DSE: variants seen among roughly 807,000 people sequenced by gnomAD.
DSE encodes dermatan-sulfate epimerase.
DSE carries 36 observed loss-of-function variants against 84.4 expected under a neutral mutation model. The ratio of observed to expected loss-of-function variants is 0.43; its 90% confidence interval spans 0.33 to 0.56. DSE has a LOEUF of 0.56. Among genes scored for constraint, DSE ranks in the 20% least tolerant of loss-of-function variants. The probability of loss-of-function intolerance (pLI) is 0.06; values close to 1 mark genes in which losing one functional copy is unlikely to be tolerated. For missense variants in DSE, 862 were observed against 1,169.6 expected (o/e 0.74, Z 3.84); for synonymous variants, 410 against 430.1 (o/e 0.95, Z 0.58).
At chr6:116,278,752 C>T (rs1457759362) in intron 2 of DSE, 17 of 1,614,080 alleles carry the variant, frequency 1.1e-5, no homozygotes, top group Non-Finnish European at 1.4e-5. Context: ...GGGTTCATGC[C>T]CCCTGCGCCA....
chr6:116,333,248 A>G (rs1777057319), intron 2 of DSE, among the ~76,000 whole-genome samples: 1 of 152,206 alleles, frequency 6.6e-6, no homozygotes, highest in Non-Finnish European at 1.5e-5. Flanking sequence ...GGTGATTTAT[A>G]AAGAAAAGAG....
At chr6:116,341,948 T>G (rs186133136) in intron 2 of DSE, among the ~76,000 whole-genome samples, 145 of 152,344 alleles carry the variant, frequency 9.5e-4, no homozygotes, top group African/African-American at 3.2e-3. Context: ...TTTGTTCTTT[T>G]TGCTTAGGAT....
chr6:116,334,258 C>T (rs1392353068), intron 2 of DSE, among the ~76,000 whole-genome samples: 1 of 152,114 alleles, frequency 6.6e-6, no homozygotes, highest in East Asian at 1.9e-4. Context: ...CATTTCAACC[C>T]TTTTAAAGAA....
At chr6:116,427,845 T>C (rs1195937959) in intron 3 of DSE, among the ~76,000 whole-genome samples, 1 of 152,148 alleles carries the variant, frequency 6.6e-6, no homozygotes, top group Non-Finnish European at 1.5e-5. Flanking sequence ...TGAGAGTGAA[T>C]TTTCATGCTA....
At chr6:116,401,872 A>G (rs1781618440) in intron 2 of DSE, among the ~76,000 whole-genome samples, 1 of 152,150 alleles carries the variant, frequency 6.6e-6, no homozygotes, top group African/African-American at 2.4e-5. Flanking sequence ...AAACAAAAAC[A>G]AAAAACTAGC....
chr6:116,322,279 C>T (rs368046852), intron 2 of DSE, among the ~76,000 whole-genome samples: 2 of 152,076 alleles, frequency 1.3e-5, no homozygotes, highest in East Asian at 1.9e-4. Flanking sequence ...CAGGGTGTGG[C>T]GCCGGGCTGT....
intron 2 of DSE, among the ~76,000 whole-genome samples, chr6:116,307,174 A>C (rs995767252): frequency 6.6e-6 from 1 of 152,174 alleles, no homozygotes; most frequent in East Asian, 1.9e-4. Flanking sequence ...TCCCTAACTC[A>C]CTGCCTGACC....
At chr6:116,334,356 G>A (rs1777117691) in intron 2 of DSE, among the ~76,000 whole-genome samples, 1 of 152,110 alleles carries the variant, frequency 6.6e-6, no homozygotes, top group African/African-American at 2.4e-5. Flanking sequence ...TTTTCCATTT[G>A]AAGTGATTCC....
intron 1 of DSE, among the ~76,000 whole-genome samples, chr6:116,375,011 A>C (rs1681384028): frequency 6.6e-6 from 1 of 152,220 alleles, no homozygotes; most frequent in Non-Finnish European, 1.5e-5. Flanking sequence ...GCTAGAATAA[A>C]ACTCTCTGGG....
intron 2 of DSE, among the ~76,000 whole-genome samples, chr6:116,419,759 A>G (rs567909457): frequency 8.3e-4 from 126 of 152,354 alleles, no homozygotes; most frequent in Non-Finnish European, 1.3e-3. Flanking sequence ...TTGTAGTTCC[A>G]TAACTATCTA....
chr6:116,326,350 C>T (rs968964717), intron 2 of DSE, among the ~76,000 whole-genome samples: 3 of 151,874 alleles, frequency 2.0e-5, no homozygotes, highest in African/African-American at 7.3e-5. Context: ...CTTTAACTCC[C>T]CCACCCCCCA....
At position 116,437,568 on chromosome 6, in the gene DSE, A is replaced by G. The variant is rs1364416699; in HGVS notation, c.*223A>G. The G allele has an allele frequency of 2.1e-6, 1 of 483,100 alleles. No individual in the cohort carries two copies. The highest frequency in any genetic ancestry group is 3.6e-6 in the Non-Finnish European group (1 of 278,582). The allele number at this position is 483,100 out of a possible 1,614,324, so 29.9% of individuals were successfully genotyped here. On this transcript the variant is annotated 3_prime_UTR_variant, in exon 6 of 6. Transcript: ENST00000644252. ...CTTGGTGGTCCTATGGTGTTTTTGGAAGTATTTGGCATTGCTAATTGAGCA... is the reference window on the plus strand; with the variant it reads ...CTTGGTGGTCCTATGGTGTTTTTGGGAGTATTTGGCATTGCTAATTGAGCA...
At chr6:116,418,429 C>T (rs1160806000) in intron 2 of DSE, among the ~76,000 whole-genome samples, 2 of 152,222 alleles carry the variant, frequency 1.3e-5, no homozygotes, top group Non-Finnish European at 2.9e-5. Context: ...CCTGGACCAA[C>T]TCTACCTTAG....
chr6:116,400,965 A>G (rs1387440142), intron 2 of DSE: 4 of 152,298 alleles, frequency 2.6e-5, no homozygotes, highest in African/African-American at 9.6e-5. Context: ...TTTGTCATCT[A>G]GAAGGGTACT....
At chr6:116,309,325 TACATAC>T (rs1775529207) in intron 2 of DSE, among the ~76,000 whole-genome samples, 2 of 151,952 alleles carry the variant, frequency 1.3e-5, no homozygotes, top group African/African-American at 4.8e-5. Flanking sequence ...CATACATACA[TACATAC>T]ATACATACAT....
chr6:116,311,673 C>T (rs1775702806), intron 2 of DSE, among the ~76,000 whole-genome samples: 1 of 152,216 alleles, frequency 6.6e-6, no homozygotes, highest in Non-Finnish European at 1.5e-5. Context: ...GCTCCAACCT[C>T]TGCTTTCCTG....
chr6:116,389,197 G>A (rs1294996502), intron 1 of DSE, among the ~76,000 whole-genome samples: 1 of 152,052 alleles, frequency 6.6e-6, no homozygotes, highest in Non-Finnish European at 1.5e-5. Context: ...AAGTATATCA[G>A]CTAATTTAAG....
Position 116,399,587 on chromosome 6 carries a change from T to C in DSE, c.337T>C (p.Cys113Arg), listed in dbSNP as rs1273428215. Reference sequence around the variant, plus strand: ...CAACTTGGGTGCCTTGGCAATGTTCTGTGTGCTGTATCCTGAGAACATTGA... The same window carrying C: ...CAACTTGGGTGCCTTGGCAATGTTCCGTGTGCTGTATCCTGAGAACATTGA... ...GNNLGALAMF[C>R]VLYPENIEAR... The change falls in exon 2 of 6, where the codon TGT (cysteine) becomes CGT (arginine). Residue 113 changes from cysteine (C) to arginine (R), a missense_variant. By Grantham distance (180) the Cys-to-Arg change is radical. Around this residue, in one of 4 missense-constraint regions of DSE, gnomAD observed 309 missense variants for 516.9 expected, o/e 0.60. Coordinates refer to ENST00000644252, the MANE Select transcript of DSE (RefSeq NM_013352.4). The C allele has an allele frequency of 5.6e-6, 9 of 1,614,252 alleles. No homozygotes were observed. Among genetic ancestry groups the C allele is most frequent in the Non-Finnish European group, 7.6e-6 (9 of 1,180,048 alleles).
rs184307604 is a variant in DSE at position 116,410,509 on chromosome 6, G to A, written c.416+10843G>A. Among the ~76,000 whole-genome samples, 318 of 152,160 alleles carry A rather than the reference G, an allele frequency of 2.1e-3. 1 individual carries two copies. The highest frequency in any genetic ancestry group is 3.0e-3 in the Non-Finnish European group (205 of 67,990). On this transcript the variant is annotated intron_variant, in intron 2 of 5. Coordinates refer to ENST00000644252, the MANE Select transcript of DSE (RefSeq NM_013352.4). ...AGCACTTTGGTAGGCAGAGGCAGGCGGATCACAAGGTCAGGAGATCGAGAC... is the reference window on the plus strand; with the variant it reads ...AGCACTTTGGTAGGCAGAGGCAGGCAGATCACAAGGTCAGGAGATCGAGAC...
Sources: gnomAD v4.1 joint callset for allele counts (sites outside exome capture counted in the v4.1 genomes callset) on GRCh38, gnomAD v4.1.1 for gene constraint, gnomAD v4.1.1 regional missense constraint, MANE v1.5 for transcripts, NCBI Gene and HGNC (gene_info 2026-07-23, HGNC 2026-07-21) for gene names.